ASPH: variants seen among roughly 807,000 people sequenced by gnomAD.
ASPH encodes the protein aspartate beta-hydroxylase.
Under a neutral mutation model 118.4 loss-of-function variants are expected in ASPH, and 100 were observed. The observed-to-expected ratio is 0.84, with a 90% CI of 0.72 to 1.00. The LOEUF is 1.00. Among genes scored for constraint, ASPH ranks in the 50% least tolerant of loss-of-function variants. The pLI, the probability that ASPH is intolerant of heterozygous loss-of-function variation, is 0.00. For synonymous variants in ASPH, 315 were observed against 325.6 expected (o/e 0.97, Z 0.35); for missense variants, 920 against 919.5 (o/e 1.00, Z -0.01).
At chr8:61,597,597 G>A (rs1056349733) in intron 14 of ASPH, among the ~76,000 whole-genome samples, 52 of 152,122 alleles carry the variant, frequency 3.4e-4, no homozygotes, top group Non-Finnish European at 1.0e-4. Flanking sequence ...CAGTAAAACT[G>A]TCAAAAGTGA....
At chr8:61,605,078 C>T (rs1001532157) in intron 14 of ASPH, among the ~76,000 whole-genome samples, 1 of 152,168 alleles carries the variant, frequency 6.6e-6, no homozygotes, top group East Asian at 1.9e-4. Context: ...AATAGCTTTC[C>T]AATATTCTCA....
chr8:61,699,294 C>T (rs1039350892), intron 1 of ASPH, among the ~76,000 whole-genome samples: 10 of 152,208 alleles, frequency 6.6e-5, no homozygotes, highest in Non-Finnish European at 1.2e-4. Flanking sequence ...AAAAATTTCA[C>T]AACTTTGCCA....
At chr8:61,559,566 T>C (rs1286181162) in intron 18 of ASPH, among the ~76,000 whole-genome samples, 1 of 152,224 alleles carries the variant, frequency 6.6e-6, no homozygotes, top group Non-Finnish European at 1.5e-5. Context: ...CTTTGCGTGA[T>C]ACATTCCTGG....
intron 24 of ASPH, among the ~76,000 whole-genome samples, chr8:61,509,147 G>C (rs1287847563): frequency 1.3e-5 from 2 of 151,806 alleles, no homozygotes; most frequent in Admixed American, 1.3e-4. Context: ...AAAAGGGAAA[G>C]AAAAAGTCAT....
At chr8:61,571,623 T>TTCAGAGGGCTGAATCC (rs1833504666) in intron 16 of ASPH, among the ~76,000 whole-genome samples, 2 of 152,238 alleles carry the variant, frequency 1.3e-5, no homozygotes, top group Admixed American at 1.3e-4. Flanking sequence ...AATCCATGGA[T>TTCAGAGGGCTGAATCC]ATGGAACATG....
intron 3 of ASPH, among the ~76,000 whole-genome samples, chr8:61,679,590 G>A (rs557837453): frequency 2.0e-5 from 3 of 151,984 alleles, no homozygotes; most frequent in African/African-American, 4.8e-5. Context: ...TCAATAAAAT[G>A]CAGTAGATGA....
intron 21 of ASPH, among the ~76,000 whole-genome samples, chr8:61,546,617 A>G (rs1363731831): frequency 6.6e-6 from 1 of 152,230 alleles, no homozygotes; most frequent in African/African-American, 2.4e-5. Context: ...AAAATATTCA[A>G]AGGCTAACCA....
intron 3 of ASPH, chr8:61,664,125 A>G: frequency 1.0e-5 from 10 of 967,458 alleles, no homozygotes; most frequent in Non-Finnish European, 1.1e-5. Flanking sequence ...TCACAATTAG[A>G]TATTTAATAT....
intron 18 of ASPH, 135 bp downstream of exon 18, chr8:61,562,609 G>T: frequency 8.8e-6 from 8 of 906,836 alleles, no homozygotes; most frequent in South Asian, 2.8e-5. Flanking sequence ...ACATAGTTTA[G>T]AATATGTTAA....
At chr8:61,713,261 A>C (rs1243479541) in intron 1 of ASPH, among the ~76,000 whole-genome samples, 1 of 152,250 alleles carries the variant, frequency 6.6e-6, no homozygotes, top group Non-Finnish European at 1.5e-5. Context: ...TATTATGGGA[A>C]AGGAACATTC....
chr8:61,632,646 T>C (rs1856096281), intron 13 of ASPH: 1 of 494,486 alleles, frequency 2.0e-6, no homozygotes, highest in Non-Finnish European at 4.0e-6. Flanking sequence ...AACAATTCCA[T>C]TCTCTTAATC....
intron 14 of ASPH, among the ~76,000 whole-genome samples, chr8:61,609,225 G>A (rs184560890): frequency 8.2e-4 from 125 of 152,262 alleles, no homozygotes; most frequent in Middle Eastern, 3.4e-3. Context: ...GTACTTTGAG[G>A]ATCCAATGCT....
chr8:61,642,062 A>G, intron 10 of ASPH, among the ~76,000 whole-genome samples: 1 of 152,228 alleles, frequency 6.6e-6, no homozygotes, highest in Non-Finnish European at 1.5e-5. Context: ...GTTCAACACA[A>G]TAGTCTATGC....
intron 3 of ASPH, among the ~76,000 whole-genome samples, chr8:61,677,732 A>T (rs1008599222): frequency 6.6e-6 from 1 of 152,142 alleles, no homozygotes; most frequent in South Asian, 2.1e-4. Context: ...CTAAGTCCCT[A>T]TGGGAATAAC....
intron 24 of ASPH, among the ~76,000 whole-genome samples, chr8:61,504,424 C>A (rs1805636544): frequency 6.6e-6 from 1 of 152,152 alleles, no homozygotes; most frequent in Non-Finnish European, 1.5e-5. Flanking sequence ...ACTATTATAG[C>A]ATGGGAAATG....
chr8:61,588,750 C>G (rs1490587233), intron 14 of ASPH, among the ~76,000 whole-genome samples: 4 of 152,202 alleles, frequency 2.6e-5, no homozygotes, highest in Admixed American at 1.3e-4. Context: ...TCCTAGCAAT[C>G]CTGCTCCTAA....
At chr8:61,645,857 A>G (rs974463705) in intron 6 of ASPH, among the ~76,000 whole-genome samples, 3 of 152,244 alleles carry the variant, frequency 2.0e-5, no homozygotes, top group African/African-American at 7.2e-5. Context: ...TGTGCAAAGT[A>G]GATAAACTAC....
intron 18 of ASPH, among the ~76,000 whole-genome samples, chr8:61,558,590 A>C (rs1828713269): frequency 6.6e-6 from 1 of 152,132 alleles, no homozygotes; most frequent in Non-Finnish European, 1.5e-5. Flanking sequence ...GTGGACAGCC[A>C]TGTGTCCCAT....
intron 24 of ASPH, among the ~76,000 whole-genome samples, chr8:61,508,497 G>C (rs1319386513): frequency 1.3e-5 from 2 of 152,104 alleles, no homozygotes; most frequent in Admixed American, 1.3e-4. Context: ...ACTATAATTT[G>C]GTCACAGAAT....
Sources: gnomAD v4.1 joint callset for allele counts (sites outside exome capture counted in the v4.1 genomes callset) on GRCh38, gnomAD v4.1.1 for gene constraint, MANE v1.5 for transcripts, NCBI Gene and HGNC (gene_info 2026-07-23, HGNC 2026-07-21) for gene names.